The following MYO1D variants were observed in gnomAD, a reference collection of about 807,000 sequenced individuals.
The protein encoded by MYO1D is myosin ID.
A neutral mutation model predicts 122.0 loss-of-function variants in MYO1D; 83 were observed. The ratio of observed to expected loss-of-function variants is 0.68; its 90% CI spans 0.57 to 0.82. The LOEUF is 0.82. Ranked by LOEUF, MYO1D falls within the 40% of genes least tolerant of loss-of-function variation. The pLI, the probability that MYO1D is intolerant of heterozygous loss-of-function variation, is 0.00. For missense variants in MYO1D, 1,157 were observed against 1,269.5 expected (o/e 0.91, Z 1.35); for synonymous variants, 464 against 446.9 (o/e 1.04, Z -0.48).
At chr17:32,761,963 A>G (rs375107486) in intron 8 of MYO1D, among the ~76,000 whole-genome samples, 43 of 152,268 alleles carry the variant, frequency 2.8e-4, no homozygotes, top group African/African-American at 8.7e-4. Flanking sequence ...AACTTAGGGA[A>G]TAGAGTGAAG....
chr17:32,851,928 G>A (rs1260441744), intron 1 of MYO1D, among the ~76,000 whole-genome samples: 1 of 152,194 alleles, frequency 6.6e-6, no homozygotes, highest in African/African-American at 2.4e-5. Context: ...GGGCCTGGGG[G>A]TTGGGACCCC....
intron 14 of MYO1D, among the ~76,000 whole-genome samples, chr17:32,731,976 G>A (rs544483065): frequency 1.2e-4 from 18 of 152,224 alleles, no homozygotes; most frequent in Non-Finnish European, 2.2e-4. Flanking sequence ...TGGTCTTGGC[G>A]CCCACTCTGA....
intron 21 of MYO1D, among the ~76,000 whole-genome samples, chr17:32,514,396 A>G (rs1909814746): frequency 1.3e-5 from 2 of 152,108 alleles, no homozygotes; most frequent in African/African-American, 4.8e-5. Context: ...GATGCCCAAG[A>G]TTTCTATCTT....
chr17:32,604,044 A>T (rs1289434105), intron 21 of MYO1D, among the ~76,000 whole-genome samples: 1 of 152,248 alleles, frequency 6.6e-6, no homozygotes, highest in Non-Finnish European at 1.5e-5. Context: ...AAGGTGTAAT[A>T]ACATAAAATA....
intron 12 of MYO1D, among the ~76,000 whole-genome samples, chr17:32,748,523 A>G (rs991587823): frequency 3.9e-5 from 6 of 152,100 alleles, no homozygotes; most frequent in Non-Finnish European, 7.4e-5. Flanking sequence ...GTGCTTCTCT[A>G]GTTTAACTGT....
intron 16 of MYO1D, among the ~76,000 whole-genome samples, chr17:32,687,290 G>A (rs949487917): frequency 1.3e-5 from 2 of 151,384 alleles, no homozygotes; most frequent in Non-Finnish European, 2.9e-5. Flanking sequence ...TCCGCCTCCT[G>A]GGTTCACGCC....
chr17:32,783,125 G>A (rs759368457), intron 1 of MYO1D, among the ~76,000 whole-genome samples: 10 of 149,210 alleles, frequency 6.7e-5, no homozygotes, highest in African/African-American at 1.7e-4. Flanking sequence ...AAAAGGGCAC[G>A]ATTGTTTAGT....
intron 21 of MYO1D, among the ~76,000 whole-genome samples, chr17:32,509,322 A>T (rs1909604496): frequency 6.6e-6 from 1 of 152,162 alleles, no homozygotes; most frequent in African/African-American, 2.4e-5. Flanking sequence ...TGCTTTGTAA[A>T]CCCAAACATC....
chr17:32,712,340 C>G, intron 15 of MYO1D, 145 bp from the exon 16 acceptor site: 1 of 711,078 alleles, frequency 1.4e-6, no homozygotes, highest in Non-Finnish European at 2.3e-6. Context: ...ATAAGGTATG[C>G]AAAAAAGGCT....
At chr17:32,618,076 G>A (rs184108994) in intron 20 of MYO1D, among the ~76,000 whole-genome samples, 40 of 152,216 alleles carry the variant, frequency 2.6e-4, no homozygotes, top group African/African-American at 9.2e-4. Flanking sequence ...GTGACTGCAC[G>A]CCTGGATCAC....
chr17:32,578,691 G>A (rs1369459744), intron 21 of MYO1D, among the ~76,000 whole-genome samples: 3 of 152,160 alleles, frequency 2.0e-5, no homozygotes, highest in Non-Finnish European at 2.9e-5. Context: ...GCTTTCAAAG[G>A]TCACCAAATC....
chr17:32,715,447 T>C (rs1314321464), intron 15 of MYO1D, among the ~76,000 whole-genome samples: 1 of 152,172 alleles, frequency 6.6e-6, no homozygotes, highest in East Asian at 1.9e-4. Flanking sequence ...ATATCTCTTT[T>C]CTTAGATTCC....
In MYO1D at chr17:32,778,394, GC is replaced by G. The variant is rs1311515077; in HGVS notation, c.398+85del. On this transcript the variant is annotated intron_variant, in intron 3 of 21. Coordinates refer to ENST00000318217, the MANE Select transcript of MYO1D (RefSeq NM_015194.3). ...GCCCATAGGTTTAGACCCCCAAAATGCTCAACCCCTAGAGTTTAGGTCTAGC... is the reference window on the plus strand; with the variant it reads ...GCCCATAGGTTTAGACCCCCAAAATGTCAACCCCTAGAGTTTAGGTCTAGC... 11 of 1,311,024 alleles carry G rather than the reference GC, an allele frequency of 8.4e-6. No homozygotes were observed. In the African/African-American group the frequency reaches 1.6e-4, roughly 19 times the overall value. The allele number at this position is 1,311,024 out of a possible 1,614,324, so 81.2% of individuals were successfully genotyped here.
chr17:32,818,125 C>CAAAAAAAAAAAAAAAAAAAAAAAA (rs58466009), intron 1 of MYO1D, among the ~76,000 whole-genome samples: 18 of 45,982 alleles, frequency 3.9e-4, no homozygotes, highest in South Asian at 1.7e-3. Flanking sequence ...GACTCCGTCT[C>CAAAAAAAAAAAAAAAAAAAAAAAA]AAAAAAAAAA....
chr17:32,875,023 T>C (rs1053251835), intron 1 of MYO1D, among the ~76,000 whole-genome samples: 1 of 152,220 alleles, frequency 6.6e-6, no homozygotes, highest in African/African-American at 2.4e-5. Flanking sequence ...CAATTTCAAA[T>C]TCTGAAAATT....
At chr17:32,796,928 G>T (rs1230880651) in intron 1 of MYO1D, among the ~76,000 whole-genome samples, 3 of 151,876 alleles carry the variant, frequency 2.0e-5, no homozygotes, top group Admixed American at 2.0e-4. Context: ...AAATAACTAT[G>T]CCTAATTCAG....
intron 10 of MYO1D, among the ~76,000 whole-genome samples, chr17:32,758,392 T>C (rs1003975219): frequency 3.9e-5 from 6 of 152,092 alleles, no homozygotes; most frequent in African/African-American, 7.2e-5. Context: ...ATATGAAACA[T>C]GTATACTGAC....
chr17:32,790,616 G>T (rs1184084091), intron 1 of MYO1D, among the ~76,000 whole-genome samples: 1 of 152,196 alleles, frequency 6.6e-6, no homozygotes, highest in Non-Finnish European at 1.5e-5. Flanking sequence ...GATACAAACA[G>T]CAACTTTTAT....
intron 14 of MYO1D, among the ~76,000 whole-genome samples, chr17:32,724,935 A>G (rs1567967176): frequency 6.6e-6 from 1 of 152,234 alleles, no homozygotes; most frequent in Non-Finnish European, 1.5e-5. Flanking sequence ...AATATTTGGA[A>G]CAAAATAAAA....
Sources: allele counts gnomAD v4.1 joint callset (sites outside exome capture counted in the v4.1 genomes callset), GRCh38; gene constraint gnomAD v4.1.1; transcripts MANE v1.5; gene names NCBI Gene and HGNC (gene_info 2026-07-23, HGNC 2026-07-21).